BLTP1: variants seen among roughly 807,000 people sequenced by gnomAD.
BLTP1 encodes bridge-like lipid transfer protein family member 1.
At chr4:122,350,307 A>G in the BLTP1 span, 2 of 985,126 alleles carry the variant, frequency 2.0e-6, no homozygotes, top group Non-Finnish European at 2.4e-6. Flanking sequence ...ATCTGCATCC[A>G]TACCCACTCC....
the BLTP1 span, chr4:122,313,790 A>T: frequency 0.012 from 7,356 of 610,998 alleles, 459 homozygotes; most frequent in African/African-American, 0.13. Flanking sequence ...TCACTAATTT[A>T]AAAAAAAACT....
the BLTP1 span, chr4:122,298,199 A>C: frequency 1.1e-6 from 1 of 874,088 alleles, no homozygotes; most frequent in Non-Finnish European, 1.4e-6. Flanking sequence ...GAATAAATAG[A>C]TAAGACAGCT....
the BLTP1 span, chr4:122,271,958 A>T: frequency 3.5e-6 from 1 of 287,392 alleles, no homozygotes; most frequent in Non-Finnish European, 5.2e-6. Context: ...GACAGACCTG[A>T]TTTAAAATAT....
chr4:122,250,395 G>T, the BLTP1 span: 2 of 1,613,042 alleles, frequency 1.2e-6, no homozygotes, highest in Non-Finnish European at 1.7e-6. Context: ...TTATATAACA[G>T]TTTTGGAATT....
At chr4:122,185,913 C>G in the BLTP1 span, 1 of 728,986 alleles carries the variant, frequency 1.4e-6, no homozygotes, top group East Asian at 3.1e-5. Flanking sequence ...ATATGCTTCT[C>G]TGTATCATGG....
chr4:122,310,270 A>G, the BLTP1 span, among the ~76,000 whole-genome samples: 51 of 152,096 alleles, frequency 3.4e-4, no homozygotes, highest in African/African-American at 1.2e-3. Context: ...AAGTTTTAGC[A>G]TTCAAAATGA....
the BLTP1 span, among the ~76,000 whole-genome samples, chr4:122,245,639 G>C: frequency 6.6e-6 from 1 of 152,120 alleles, no homozygotes; most frequent in African/African-American, 2.4e-5. Flanking sequence ...TCATATCCCA[G>C]TGCTCTTCCA....
the BLTP1 span, chr4:122,244,931 A>G: frequency 2.1e-6 from 3 of 1,444,722 alleles, no homozygotes; most frequent in African/African-American, 2.9e-5. Context: ...ACATATTCAG[A>G]TGGTGCTACG....
the BLTP1 span, among the ~76,000 whole-genome samples, chr4:122,334,011 T>G: frequency 6.6e-6 from 1 of 152,102 alleles, no homozygotes; most frequent in Non-Finnish European, 1.5e-5. Flanking sequence ...GAAAGTTTGA[T>G]GGAAAGAAGT....
chr4:122,187,868 C>A, the BLTP1 span: 1 of 1,555,072 alleles, frequency 6.4e-7, no homozygotes, highest in South Asian at 1.2e-5. Flanking sequence ...TATAATATCT[C>A]TTATCTGTTT....
chr4:122,353,904 A>G, the BLTP1 span: 1 of 1,613,948 alleles, frequency 6.2e-7, no homozygotes, highest in Non-Finnish European at 8.5e-7. The surrounding 1 kb of genome is among the most constrained non-coding windows in gnomAD (Gnocchi z 4.3). Flanking sequence ...GGTGCTTTGG[A>G]AAGTCCTATG....
chr4:122,160,224 A>G, the BLTP1 span, among the ~76,000 whole-genome samples: 2 of 152,192 alleles, frequency 1.3e-5, no homozygotes, highest in South Asian at 2.1e-4. Context: ...TGAGAAAAGC[A>G]CTCTAATGAA....
chr4:122,206,033 T>TA, the BLTP1 span: 1 of 983,088 alleles, frequency 1.0e-6, no homozygotes, highest in Non-Finnish European at 1.2e-6. Context: ...TTATTGGGAT[T>TA]AAAAAAACTT....
At chr4:122,222,711 C>T in the BLTP1 span, among the ~76,000 whole-genome samples, 1 of 151,988 alleles carries the variant, frequency 6.6e-6, no homozygotes, top group Non-Finnish European at 1.5e-5. Context: ...CACTTTTTCT[C>T]CTCTTATAGG....
chr4:122,164,522 C>T, the BLTP1 span: 2 of 644,580 alleles, frequency 3.1e-6, no homozygotes, highest in African/African-American at 2.0e-5. Flanking sequence ...TATTAAGAGG[C>T]TCACAGTTTT....
chr4:122,209,013 ATACAAT>A, the BLTP1 span: 1 of 850,386 alleles, frequency 1.2e-6, no homozygotes, highest in Non-Finnish European at 1.5e-6. Flanking sequence ...AAGATAAATA[ATACAAT>A]AAAATAAAAA....
At chr4:122,172,552 A>G in the BLTP1 span, among the ~76,000 whole-genome samples, 11 of 152,202 alleles carry the variant, frequency 7.2e-5, no homozygotes, top group Non-Finnish European at 1.5e-4. Context: ...CCTTTATACT[A>G]AATTCCGACT....
At chr4:122,154,368 G>A in the BLTP1 span, 1 of 984,482 alleles carries the variant, frequency 1.0e-6, no homozygotes. Flanking sequence ...TAGGGAATGG[G>A]GGTGGGGTGG....
At chr4:122,173,884 C>T in the BLTP1 span, among the ~76,000 whole-genome samples, 5 of 152,000 alleles carry the variant, frequency 3.3e-5, no homozygotes, top group African/African-American at 4.8e-5. Flanking sequence ...TGTGAGTCCA[C>T]CATTCAAAGA....
Sources: allele counts gnomAD v4.1 joint callset (sites outside exome capture counted in the v4.1 genomes callset), GRCh38; gene constraint gnomAD v4.1.1; non-coding constraint Gnocchi (gnomAD v3.1); transcripts MANE v1.5; gene names NCBI Gene and HGNC (gene_info 2026-07-23, HGNC 2026-07-21).